The following ZNF787 variants were observed in gnomAD, a reference collection of about 807,000 sequenced individuals.
ZNF787 encodes the protein zinc finger protein 787, also known as TTF-I-interacting peptide 20.
Under a neutral mutation model 16.9 loss-of-function variants are expected in ZNF787, and 7 were observed. The ratio of observed to expected loss-of-function variants is 0.42; its 90% CI spans 0.24 to 0.78. The LOEUF (loss-of-function observed/expected upper bound fraction) is 0.78. Among genes scored for constraint, ZNF787 ranks in the 30% least tolerant of loss-of-function variants. ZNF787 has a pLI of 0.30. For synonymous variants in ZNF787, 345 were observed against 270.9 expected, an observed-to-expected ratio of 1.27 and a Z score of -2.69; for missense variants, 551 against 589.3, an observed-to-expected ratio of 0.94 and a Z score of 0.67.
rs1461095686 is a variant in ZNF787 at position 56,102,962 on chromosome 19, C to T, written c.79+177G>A. On this transcript the variant is annotated intron_variant, in intron 2 of 2. Coordinates refer to ENST00000610935, the MANE Select transcript of ZNF787 (RefSeq NM_001002836.4). ...GAAACTTGGAGCCACAACACTAGCC[C>T]TCCCTCTACAGCCAGGAGTGCAAGG... The T allele has an allele frequency of 5.5e-6, 4 of 732,570 alleles. No individual in the cohort carries two copies. The East Asian group carries it at 1.1e-4, about 20-fold the overall frequency. The allele number at this position is 732,570 out of a possible 1,614,324, so 45.4% of individuals were successfully genotyped here.
Position 56,088,439 on chromosome 19 carries a change from C to G in ZNF787, c.733G>C (p.Val245Leu). 2 of 1,238,308 alleles carry G rather than the reference C, an allele frequency of 1.6e-6. No individual in the cohort carries two copies. The highest frequency in any genetic ancestry group is 1.0e-6 in the Non-Finnish European group (1 of 988,082). The allele number at this position is 1,238,308 out of a possible 1,614,324, so 76.7% of individuals were successfully genotyped here. ...IPVGDGEGII[V>L]VGAPGEGAAA... ...GCCCCCTCGCCCGGCGCGCCCACCA[C>G]GATGATGCCCTCGCCATCGCCCACG... The change falls in exon 3 of 3, where the codon GTG (valine) becomes CTG (leucine). Residue 245 changes from valine to leucine, a missense_variant. Val to Leu is a conservative substitution (Grantham distance 32). Around this residue, in one of 4 missense-constraint regions of ZNF787, gnomAD observed 392 missense variants for 312.7 expected, o/e 1.25. Transcript: ENST00000610935. The surrounding 1 kb of genome is among the most constrained non-coding windows in gnomAD (Gnocchi z 8.6).
intron 1 of ZNF787, among the ~76,000 whole-genome samples, chr19:56,104,418 G>A (rs1236575712): frequency 1.7e-4 from 8 of 47,720 alleles, no homozygotes; most frequent in African/African-American, 6.6e-4. Context: ...CCGCCGACCC[G>A]TGCCACGCAC....
At chr19:56,108,536 G>A (rs1666217490) in intron 1 of ZNF787, among the ~76,000 whole-genome samples, 1 of 151,788 alleles carries the variant, frequency 6.6e-6, no homozygotes, top group Non-Finnish European at 1.5e-5. Flanking sequence ...TCTTCCTAAC[G>A]CCTGCTACTC....
In ZNF787 at chr19:56,088,259, C is replaced by G; in HGVS notation, c.913G>C (p.Asp305His). ...LLAHQRAQHG[D>H]GLGAAGGEEP... ...TCGCCCCCCGCCGCCCCGAGCCCGT[C>G]CCCGTGCTGGGCCCGCTGGTGCGCC... is the stretch of plus-strand genomic sequence containing the variant. Residue 305 changes from aspartate (D) to histidine (H), a missense_variant, in exon 3 of 3, where the codon GAC becomes CAC. Asp to His is a moderately conservative substitution (Grantham distance 81). This residue lies in a region of ZNF787 where 392 missense variants were observed against 312.7 expected (regional missense o/e 1.25). Coordinates refer to ENST00000610935, the MANE Select transcript of ZNF787 (RefSeq NM_001002836.4). This position sits in a 1 kb window ranked among gnomAD's most constrained non-coding sequence, Gnocchi z 8.6. The G allele has an allele frequency of 6.9e-7, 1 of 1,448,506 alleles. No individual in the cohort carries two copies. The highest frequency in any genetic ancestry group is 9.1e-7 in the Non-Finnish European group (1 of 1,103,554). The allele number at this position is 1,448,506 out of a possible 1,614,324, so 89.7% of individuals were successfully genotyped here.
chr19:56,095,516 T>C (rs141750114), intron 2 of ZNF787, among the ~76,000 whole-genome samples: 94 of 152,328 alleles, frequency 6.2e-4, no homozygotes, highest in African/African-American at 2.2e-3. Flanking sequence ...TTCTAACTTC[T>C]CAGAGGTTCT....
chr19:56,093,244 T>A (rs561887889), intron 2 of ZNF787, among the ~76,000 whole-genome samples: 1 of 148,682 alleles, frequency 6.7e-6, no homozygotes, highest in Non-Finnish European at 1.5e-5. Context: ...ACACAGGGGA[T>A]GACAGAATTG....
At chr19:56,099,730 A>G (rs1986018450) in intron 2 of ZNF787, among the ~76,000 whole-genome samples, 3 of 150,720 alleles carry the variant, frequency 2.0e-5, no homozygotes, top group Admixed American at 1.3e-4. Context: ...AAAAAAGAAA[A>G]GAGAGAGAGA....
At position 56,088,159 on chromosome 19, in the gene ZNF787, A is replaced by C. The variant is rs1179139135; in HGVS notation, c.1013T>G (p.Ile338Ser). Residue 338 changes from isoleucine to serine, a missense_variant, in exon 3 of 3, where the codon ATC becomes AGC. Ile to Ser is a moderately radical substitution (Grantham distance 142). Transcript: ENST00000610935. This position sits in a 1 kb window ranked among gnomAD's most constrained non-coding sequence, Gnocchi z 8.6. ...GACCGAGGGCGCGCCCACCGCGTGG[A>C]TCTTCTTGTGTCTCCGGAGCGCGGC... is the stretch of plus-strand genomic sequence containing the variant. ...QGAALRRHKK[I>S]HAVGAPSVCS... 7 of 1,554,578 alleles carry C rather than the reference A, an allele frequency of 4.5e-6. No homozygotes were observed. Among genetic ancestry groups the C allele is most frequent in the South Asian group, 2.3e-5 (2 of 86,250 alleles).
intron 2 of ZNF787, among the ~76,000 whole-genome samples, chr19:56,098,767 TAGGTGATATG>T: frequency 1.9e-5 from 2 of 104,376 alleles, no homozygotes; most frequent in African/African-American, 7.9e-5. Context: ...TGATGGAGCC[TAGGTGATATG>T]GCCACCGGGT....
Position 56,103,149 on chromosome 19 carries a change from G to C in ZNF787, c.69C>G (p.His23Gln), listed in dbSNP as rs775135815. The C allele has an allele frequency of 9.3e-6, 15 of 1,606,498 alleles. No individual in the cohort carries two copies. The South Asian group carries it at 1.3e-4, about 14-fold the overall frequency. The change falls in exon 2 of 3, where the codon CAC becomes CAG. Residue 23 changes from histidine (H) to glutamine (Q), a missense_variant. His to Gln is a conservative substitution (Grantham distance 24). Around this residue, in one of 4 missense-constraint regions of ZNF787, gnomAD observed 80 missense variants for 105.9 expected, o/e 0.76. Transcript: ENST00000610935. ...LDSEDQQMAS[H>Q]ENPVDILIMD... Reference sequence around the variant, plus strand: ...CCTCTGGCTGCTCACCTGGGTTCTCGTGACTGGCCATCTGCTGGTCCTCAG... The same window carrying C: ...CCTCTGGCTGCTCACCTGGGTTCTCCTGACTGGCCATCTGCTGGTCCTCAG...
At chr19:56,108,829 C>T (rs1230959341) in intron 1 of ZNF787, among the ~76,000 whole-genome samples, 1 of 152,146 alleles carries the variant, frequency 6.6e-6, no homozygotes, top group South Asian at 2.1e-4. Context: ...CTGGGTGCCT[C>T]GGATGGAAGA....
chr19:56,099,933 C>T (rs1049362955), intron 2 of ZNF787, among the ~76,000 whole-genome samples: 1 of 152,090 alleles, frequency 6.6e-6, no homozygotes, highest in Non-Finnish European at 1.5e-5. Context: ...CTGAGCACGG[C>T]GCCGGGATCT....
chr19:56,095,344 G>A (rs1055608721), intron 2 of ZNF787, among the ~76,000 whole-genome samples: 3 of 152,212 alleles, frequency 2.0e-5, no homozygotes, highest in Non-Finnish European at 4.4e-5. Flanking sequence ...TGATCTTGTT[G>A]GGATGCACTT....
intron 2 of ZNF787, among the ~76,000 whole-genome samples, chr19:56,092,282 G>A (rs947664788): frequency 1.3e-5 from 2 of 152,220 alleles, no homozygotes; most frequent in Non-Finnish European, 2.9e-5. Flanking sequence ...GCCTGGCCCT[G>A]GGCTAAATGT....
At chr19:56,092,016 A>AAG (rs1985611148) in intron 2 of ZNF787, among the ~76,000 whole-genome samples, 12 of 145,012 alleles carry the variant, frequency 8.3e-5, no homozygotes, top group African/African-American at 3.4e-4. Context: ...CAAAGCCGAA[A>AAG]CCGAAGCCGA....
intron 1 of ZNF787, among the ~76,000 whole-genome samples, chr19:56,109,816 G>A (rs606882): frequency 0.33 from 50,650 of 151,718 alleles, 10,407 homozygotes; most frequent in African/African-American, 0.59. Context: ...CCCGGGAGGC[G>A]GAGCTTGCAG....
chr19:56,118,449 A>C (rs375740017), intron 1 of ZNF787, among the ~76,000 whole-genome samples: 6 of 152,296 alleles, frequency 3.9e-5, no homozygotes, highest in African/African-American at 1.4e-4. Flanking sequence ...TGGGGGCGGA[A>C]GGGGGCGGTT....
Position 56,087,960 on chromosome 19 carries a change from T to TAGG in ZNF787, c.*62_*63insCCT, listed in dbSNP as rs1985368571. On this transcript the variant is annotated 3_prime_UTR_variant, in exon 3 of 3. Transcript: ENST00000610935. The stretch of plus-strand genomic sequence containing the variant: ...CGCTTCTCCCTGGGTCTCTTGGTCT[T>TAGG]GCACGTCGTCGCTCCCGCCAAGCCC... 2 of 1,297,038 alleles carry TAGG rather than the reference T, an allele frequency of 1.5e-6. No homozygotes were observed. The highest frequency in any genetic ancestry group is 2.0e-6 in the Non-Finnish European group (2 of 1,025,240). 80.3% of individuals were successfully genotyped at this position (1,297,038 alleles called of 1,614,324 possible). A position where few individuals can be genotyped will look rare whatever the true frequency, so the allele number is the denominator to read the frequency against.
chr19:56,087,994 C>CGGGGGGG lies in ZNF787; in HGVS notation c.*28_*29insCCCCCCC. ...TCGCTCCCGCCAAGCCCGAGGGGCC[C>CGGGGGGG]TGCCCGCCCCCCCCCCCGGGCCCCT... On this transcript the variant is annotated 3_prime_UTR_variant, in exon 3 of 3. Transcript: ENST00000610935. 2.4e-6 allele frequency: 3 copies of CGGGGGGG among 1,248,922 alleles called. No homozygotes were observed. Among genetic ancestry groups the CGGGGGGG allele is most frequent in the East Asian group, 3.7e-5 (1 of 26,834 alleles). 77.4% of individuals were successfully genotyped at this position (1,248,922 alleles called of 1,614,324 possible). A position where few individuals can be genotyped will look rare whatever the true frequency, so the allele number is the denominator to read the frequency against.
Sources: allele counts gnomAD v4.1 joint callset (sites outside exome capture counted in the v4.1 genomes callset), GRCh38; gene constraint gnomAD v4.1.1; regional missense constraint gnomAD v4.1.1; non-coding constraint Gnocchi (gnomAD v3.1); transcripts MANE v1.5; gene names NCBI Gene and HGNC (gene_info 2026-07-23, HGNC 2026-07-21).